Variants in PDE4DIP observed in about 807,000 individuals in gnomAD.
PDE4DIP encodes phosphodiesterase 4D interacting protein, also known as myomegalin.
A neutral mutation model predicts 221.4 loss-of-function variants in PDE4DIP; 59 were observed. The ratio of observed to expected loss-of-function variants is 0.27; its 90% CI spans 0.22 to 0.33. PDE4DIP has a LOEUF of 0.33. PDE4DIP is among the 10% of genes least tolerant of loss of function. PDE4DIP has a pLI of 1.00. For missense variants in PDE4DIP, 1,036 were observed against 2,154.2 expected (o/e 0.48, Z 10.28); for synonymous variants, 404 against 815.9 (o/e 0.50, Z 8.60).
At chr1:149,010,345 G>A (rs1428598042) in intron 30 of PDE4DIP, 98 bp from the exon 34 acceptor site, 7 of 964,138 alleles carry the variant, frequency 7.3e-6, no homozygotes, top group African/African-American at 1.6e-5. Flanking sequence ...TTCCCTGAAA[G>A]CAAGACTCTA....
intron 1 of PDE4DIP, among the ~76,000 whole-genome samples, chr1:148,824,262 TTCAGAC>T (rs1197398178): frequency 6.7e-6 from 1 of 148,626 alleles, no homozygotes; most frequent in Non-Finnish European, 1.5e-5. Flanking sequence ...AAGGTCCGTT[TTCAGAC>T]TCACGCACAC....
intron 20 of PDE4DIP, 95 bp from the exon 24 acceptor site, chr1:148,981,175 G>T (rs1486581017): frequency 5.3e-6 from 6 of 1,130,994 alleles, no homozygotes; most frequent in Non-Finnish European, 7.9e-6. Flanking sequence ...AAGTCGTGTG[G>T]CTCAAAGTGG....
intron 23 of PDE4DIP, among the ~76,000 whole-genome samples, chr1:149,000,865 A>G (rs2065482572): frequency 6.6e-6 from 1 of 151,796 alleles, no homozygotes. Flanking sequence ...TGTTACAGCC[A>G]TGTTTGCTTC....
chr1:149,032,625 G>A (rs1645733326), exon 44 of PDE4DIP: 3 of 235,566 alleles, frequency 1.3e-5, no homozygotes, highest in Middle Eastern at 2.6e-3. Context: ...GCTTAACCTA[G>A]CACATCCTAT....
intron 21 of PDE4DIP, among the ~76,000 whole-genome samples, chr1:148,989,650 C>G (rs2062618598): frequency 6.6e-6 from 1 of 152,158 alleles, no homozygotes; most frequent in African/African-American, 2.4e-5. Context: ...TAGAGCTGTG[C>G]TTTCTTCAAC....
chr1:148,949,533 G>T (rs1474401272), intron 5 of PDE4DIP, among the ~76,000 whole-genome samples: 2 of 152,034 alleles, frequency 1.3e-5, no homozygotes. Context: ...AAATTCAAAT[G>T]ATACACAGTA....
Position 148,907,057 on chromosome 1 carries a change from C to A in PDE4DIP, c.141+17163C>A, listed in dbSNP as rs12133755. Among the ~76,000 whole-genome samples the A allele has an allele frequency of 2.1e-4, 32 of 151,366 alleles. 2 individuals are homozygous for A. The Middle Eastern group carries it at 0.014, about 65-fold the overall frequency. On this transcript the variant is annotated intron_variant, in intron 1 of 43. Transcript: ENST00000369354. ...AGAGTGAAACTCCATCTCAAAAAAA[C>A]CAAAAAAAACAAAAAAACAATAGTT...
intron 1 of PDE4DIP, among the ~76,000 whole-genome samples, chr1:148,822,568 T>G (rs1473800951): frequency 6.6e-6 from 1 of 151,208 alleles, no homozygotes. Flanking sequence ...TGAAAATGGT[T>G]CCTGGTACCA....
chr1:149,003,985 C>A (rs185056518), intron 26 of PDE4DIP, among the ~76,000 whole-genome samples: 1 of 150,018 alleles, frequency 6.7e-6, no homozygotes, highest in East Asian at 1.9e-4. Flanking sequence ...ACTTAGAGAC[C>A]AGATAAGGTT....
chr1:148,869,827 C>A, intron 3 of PDE4DIP, among the ~76,000 whole-genome samples: 1 of 102,356 alleles, frequency 9.8e-6, no homozygotes, highest in Non-Finnish European at 1.9e-5. Context: ...CTCTTTGGTG[C>A]CCCCTCAGGG....
At chr1:148,857,303 C>T (rs1213470614) in intron 1 of PDE4DIP, among the ~76,000 whole-genome samples, 4 of 83,908 alleles carry the variant, frequency 4.8e-5, no homozygotes, top group Non-Finnish European at 8.5e-5. Flanking sequence ...TCTCTGCGTT[C>T]TTTTCTAGTT....
In PDE4DIP at chr1:148,826,401, CT is replaced by C. The variant is rs1456762870; in HGVS notation, c.233+17666del. 2.5e-4 allele frequency among the ~76,000 whole-genome samples: 21 copies of C among 84,850 alleles called. 6 individuals carry two copies. Among genetic ancestry groups the C allele is most frequent in the Non-Finnish European group, 7.1e-5 (3 of 42,426 alleles). 55.7% of individuals were successfully genotyped at this position (84,850 alleles called of 152,430 possible). ...ATTGTGATGGTTAATGTTGGATGTG[CT>C]TGTTCTTTTACCAAACTGATATAAT... On this transcript the variant is annotated intron_variant, in intron 1 of 45. Transcript: ENST00000524974.
At chr1:148,932,969 C>T (rs1573711751) in intron 4 of PDE4DIP, among the ~76,000 whole-genome samples, 1 of 152,142 alleles carries the variant, frequency 6.6e-6, no homozygotes, top group Admixed American at 6.5e-5. Flanking sequence ...AGTGGGAATG[C>T]ACCGTTATGA....
intron 32 of PDE4DIP, among the ~76,000 whole-genome samples, chr1:149,015,373 G>T (rs1553609586): frequency 6.6e-6 from 1 of 152,042 alleles, no homozygotes; most frequent in Non-Finnish European, 1.5e-5. Flanking sequence ...AGTTTGGCTT[G>T]GATGGAAGAA....
chr1:148,995,562 G>A (rs1470904657), intron 22 of PDE4DIP, among the ~76,000 whole-genome samples: 1 of 151,636 alleles, frequency 6.6e-6, no homozygotes, highest in Admixed American at 6.6e-5. Context: ...CACACAAAAA[G>A]TTGAATTATA....
At chr1:148,977,888 C>T (rs1553538828) in intron 17 of PDE4DIP, 49 bp from the exon 21 acceptor site, 2 of 1,598,436 alleles carry the variant, frequency 1.3e-6, no homozygotes, top group Non-Finnish European at 8.5e-7. Context: ...AAGCATTTGC[C>T]TCAGTGTTAA....
chr1:148,954,365 C>T (rs2054580490), intron 5 of PDE4DIP, among the ~76,000 whole-genome samples: 1 of 151,970 alleles, frequency 6.6e-6, no homozygotes, highest in African/African-American at 2.4e-5. Context: ...TTAAAGCCTT[C>T]ATCCGCAAAA....
At chr1:148,816,943 T>G (rs1778759) in intron 1 of PDE4DIP, among the ~76,000 whole-genome samples, 79 of 80,818 alleles carry the variant, frequency 9.8e-4, no homozygotes, top group East Asian at 9.3e-3. Flanking sequence ...CTCTGCTGGT[T>G]GTAGAATTCC....
At chr1:148,813,756 G>GTT (rs60334003) in intron 1 of PDE4DIP, among the ~76,000 whole-genome samples, 1 of 97,700 alleles carries the variant, frequency 1.0e-5, no homozygotes, top group African/African-American at 4.3e-5. Flanking sequence ...TGATCAAGGT[G>GTT]TTTTTTTTTT....
Sources: allele counts gnomAD v4.1 joint callset (sites outside exome capture counted in the v4.1 genomes callset), GRCh38; gene constraint gnomAD v4.1.1; transcripts MANE v1.5; gene names NCBI Gene and HGNC (gene_info 2026-07-23, HGNC 2026-07-21).